MAPK10: variants seen among roughly 807,000 people sequenced by gnomAD.
MAPK10 encodes mitogen-activated protein kinase 10, also known as JNK3 alpha protein kinase.
A neutral mutation model predicts 59.3 loss-of-function variants in MAPK10; 25 were observed. The observed-to-expected ratio is 0.42, with a 90% CI of 0.31 to 0.59. The LOEUF (loss-of-function observed/expected upper bound fraction) is 0.59, where lower values mean the gene tolerates loss of function less well. Among genes scored for constraint, MAPK10 ranks in the 20% least tolerant of loss-of-function variants. MAPK10 has a pLI of 0.15. For synonymous variants in MAPK10, 190 were observed against 200.5 expected (o/e 0.95, Z 0.44); for missense variants, 351 against 568.9 (o/e 0.62, Z 3.90).
At chr4:86,121,920 ACTT>A (rs1254745493) in intron 4 of MAPK10, among the ~76,000 whole-genome samples, 1 of 151,952 alleles carries the variant, frequency 6.6e-6, no homozygotes, top group Non-Finnish European at 1.5e-5. Flanking sequence ...TCTATTCTCT[ACTT>A]CTCTAAACTT....
intron 1 of MAPK10, among the ~76,000 whole-genome samples, chr4:86,551,752 G>T (rs928264120): frequency 6.6e-6 from 1 of 152,010 alleles, no homozygotes; most frequent in African/African-American, 2.4e-5. Context: ...TCACAGGAGG[G>T]CACCACCACA....
chr4:86,207,240 G>A lies in MAPK10; in HGVS notation c.-6-12833C>T, dbSNP rs536007235. 1.5e-4 allele frequency among the ~76,000 whole-genome samples: 23 copies of A among 151,700 alleles called. No individual in the cohort carries two copies. The East Asian group carries it at 4.4e-3, about 29-fold the overall frequency. ...ATTTTTGTATAAGGTGTAAGGAAGG[G>A]ATCCAGTTTCAGCTTTCTACATATG... On this transcript the variant is annotated intron_variant, in intron 2 of 13. Coordinates refer to ENST00000641462, the MANE Select transcript of MAPK10 (RefSeq NM_138982.4).
intron 11 of MAPK10, among the ~76,000 whole-genome samples, chr4:86,052,657 G>A (rs540685144): frequency 4.3e-4 from 65 of 152,196 alleles, no homozygotes; most frequent in African/African-American, 1.5e-3. Flanking sequence ...CATTTGTTAC[G>A]TTGAATCATG....
intron 11 of MAPK10, among the ~76,000 whole-genome samples, chr4:86,055,228 T>G (rs1579278735): frequency 1.5e-5 from 2 of 132,932 alleles, no homozygotes; most frequent in African/African-American, 3.1e-5. Context: ...ATCACTAACA[T>G]GCTAAACATT....
At position 86,508,798 on chromosome 4, in the gene MAPK10, G is replaced by GA. The variant is rs1755990289; in HGVS notation, c.-263+85111dup. On this transcript the variant is annotated intron_variant, in intron 1 of 4. Transcript: ENST00000502302. ...ACCACCAGTGTAAACTTCCTGACAG[G>GA]ATTTATAGAATTTTCTTTGCTCTGG... 2.0e-5 allele frequency among the ~76,000 whole-genome samples: 3 copies of GA among 152,274 alleles called. No homozygotes were observed. In the South Asian group the frequency reaches 6.2e-4, roughly 32 times the overall value.
intron 3 of MAPK10, among the ~76,000 whole-genome samples, chr4:86,165,069 T>C (rs2071152831): frequency 6.6e-6 from 1 of 152,180 alleles, no homozygotes; most frequent in African/African-American, 2.4e-5. Flanking sequence ...CTCAATAGGA[T>C]AGCCAAGAAA....
chr4:86,429,977 G>A (rs1386403394), intron 1 of MAPK10, among the ~76,000 whole-genome samples: 1 of 151,884 alleles, frequency 6.6e-6, no homozygotes, highest in African/African-American at 2.4e-5. Flanking sequence ...ATTGTGATAT[G>A]GCTCAGACCA....
At chr4:86,449,490 T>C (rs547930144) in intron 1 of MAPK10, among the ~76,000 whole-genome samples, 1 of 152,210 alleles carries the variant, frequency 6.6e-6, no homozygotes, top group South Asian at 2.1e-4. Context: ...TTTACCATAG[T>C]ACCATGACAT....
chr4:86,338,811 A>G (rs546842087), intron 2 of MAPK10, among the ~76,000 whole-genome samples: 1 of 152,048 alleles, frequency 6.6e-6, no homozygotes, highest in South Asian at 2.1e-4. Flanking sequence ...CTTGGTAATG[A>G]TCCAAAGCAA....
intron 4 of MAPK10, among the ~76,000 whole-genome samples, chr4:86,146,386 G>T (rs926347658): frequency 2.0e-5 from 3 of 152,192 alleles, no homozygotes; most frequent in Non-Finnish European, 4.4e-5. Context: ...GTAGAAGCTG[G>T]TCAGAGGGGT....
At chr4:86,454,853 GA>G (rs1433561798), upstream of MAPK10, among the ~76,000 whole-genome samples, 2 of 151,588 alleles carry the variant, frequency 1.3e-5, no homozygotes, top group Non-Finnish European at 2.9e-5. Flanking sequence ...TCAAGACAAA[GA>G]AAAAAAATCT....
chr4:86,475,561 C>T (rs1022443965), intron 1 of MAPK10, among the ~76,000 whole-genome samples: 2 of 152,120 alleles, frequency 1.3e-5, no homozygotes, highest in Admixed American at 6.5e-5. Context: ...GTCACGGACT[C>T]GGGAAGACAG....
chr4:86,124,884 A>G (rs2059823468), intron 4 of MAPK10: 1 of 151,984 alleles, frequency 6.6e-6, no homozygotes, highest in Non-Finnish European at 1.5e-5. Flanking sequence ...AAATTTGGCA[A>G]ACCATTAAAA....
chr4:86,188,104 T>C (rs1056578832), intron 3 of MAPK10, among the ~76,000 whole-genome samples: 3 of 152,208 alleles, frequency 2.0e-5, no homozygotes, highest in African/African-American at 7.2e-5. Context: ...CTGCGTAGTA[T>C]TCCATGGTGT....
intron 3 of MAPK10, among the ~76,000 whole-genome samples, chr4:86,168,961 A>G (rs28792132): frequency 0.019 from 2,931 of 152,232 alleles, 105 homozygotes; most frequent in African/African-American, 0.067. Flanking sequence ...CAGGGTCTGG[A>G]GTGGACCTCT....
chr4:86,196,338 T>C (rs779321125), intron 2 of MAPK10, among the ~76,000 whole-genome samples: 1 of 152,342 alleles, frequency 6.6e-6, no homozygotes, highest in African/African-American at 2.4e-5. Context: ...TTTTTTCATG[T>C]TTGTTGGCTG....
chr4:86,583,576 C>A (rs1341414044), intron 1 of MAPK10, among the ~76,000 whole-genome samples: 1 of 152,078 alleles, frequency 6.6e-6, no homozygotes, highest in Non-Finnish European at 1.5e-5. Context: ...TTGCTGCAGT[C>A]CTGTTATGAC....
In MAPK10 at chr4:86,208,303, C is replaced by A. The variant is rs865981660; in HGVS notation, c.-6-13896G>T. Among the ~76,000 whole-genome samples the A allele has an allele frequency of 3.2e-3, 479 of 150,744 alleles. 5 individuals are homozygous for A. The highest frequency in any genetic ancestry group is 0.012 in the African/African-American group (465 of 40,330). ...CACAACCAAAAAAGAGAATTTTAGA[C>A]CAATATCCTTGATGAACATTGATGC... is the stretch of plus-strand genomic sequence containing the variant. On this transcript the variant is annotated intron_variant, in intron 2 of 13. Transcript: ENST00000641462.
intron 4 of MAPK10, chr4:86,123,688 C>G (rs1339784855): frequency 6.6e-6 from 1 of 151,988 alleles, no homozygotes; most frequent in Non-Finnish European, 1.5e-5. Context: ...TCATTTAATT[C>G]TGCAAATAAA....
Sources: allele counts gnomAD v4.1 joint callset (sites outside exome capture counted in the v4.1 genomes callset), GRCh38; gene constraint gnomAD v4.1.1; transcripts MANE v1.5; gene names NCBI Gene and HGNC (gene_info 2026-07-23, HGNC 2026-07-21).